Variants in QDPR observed in about 807,000 individuals in gnomAD.
The protein encoded by QDPR is quinoid dihydropteridine reductase.
QDPR carries 23 observed loss-of-function variants against 31.7 expected under a neutral mutation model. That is an observed-to-expected ratio of 0.73 (90% CI 0.52 to 1.03). The LOEUF (loss-of-function observed/expected upper bound fraction) is 1.03. QDPR is among the 50% of genes least tolerant of loss of function. The probability of loss-of-function intolerance (pLI) is 0.00; values close to 1 mark genes in which losing one functional copy is unlikely to be tolerated. For missense variants in QDPR, 324 were observed against 323.8 expected (o/e 1.00, Z 0.00); for synonymous variants, 124 against 124.7 (o/e 0.99, Z 0.03).
intron 2 of QDPR, among the ~76,000 whole-genome samples, chr4:17,507,728 C>T (rs1016123401): frequency 6.6e-6 from 1 of 151,978 alleles, no homozygotes; most frequent in Non-Finnish European, 1.5e-5. Flanking sequence ...CTCAGCCTCC[C>T]GAGTAGCTGG....
Position 17,488,247 on chromosome 4 carries a change from T to C in QDPR, c.630-1011A>G, listed in dbSNP as rs111967390. ...CTGCACTCCAGCCTGGGTGACCCAG[T>C]GAGACCCTGTCTCAAAAAAAAAAAA... On this transcript the variant is annotated intron_variant, in intron 6 of 6. Coordinates refer to ENST00000281243, the MANE Select transcript of QDPR (RefSeq NM_000320.3). 6.7e-3 allele frequency among the ~76,000 whole-genome samples: 1,021 copies of C among 151,640 alleles called. 18 individuals carry two copies. The highest frequency in any genetic ancestry group is 0.023 in the African/African-American group (967 of 41,294).
At chr4:17,493,266 G>A (rs1479792478) in intron 4 of QDPR, among the ~76,000 whole-genome samples, 1 of 152,046 alleles carries the variant, frequency 6.6e-6, no homozygotes, top group Admixed American at 6.6e-5. Flanking sequence ...CAACGTAGTG[G>A]GACCCCATCT....
intron 1 of QDPR, chr4:17,509,820 CCT>C: frequency 2.7e-6 from 1 of 377,068 alleles, no homozygotes; most frequent in Non-Finnish European, 5.3e-6. Context: ...CCCAGGCCCT[CCT>C]ACCTCCAAAC....
chr4:17,504,615 C>T (rs542426956), intron 2 of QDPR, 140 bp from the exon 3 acceptor site: 54 of 744,528 alleles, frequency 7.3e-5, no homozygotes, highest in Middle Eastern at 2.3e-4. Context: ...GAGAATTAGA[C>T]GGAAGACTAA....
At chr4:17,502,559 T>C (rs1286194279) in intron 3 of QDPR, among the ~76,000 whole-genome samples, 4 of 152,200 alleles carry the variant, frequency 2.6e-5, no homozygotes, top group Non-Finnish European at 5.9e-5. Context: ...AAAAACCTGA[T>C]GGATCCACAT....
intron 4 of QDPR, among the ~76,000 whole-genome samples, chr4:17,500,538 G>A (rs1432742435): frequency 6.6e-6 from 1 of 152,168 alleles, no homozygotes; most frequent in African/African-American, 2.4e-5. Context: ...CTTAGAAGAG[G>A]AGGAAACGAG....
chr4:17,487,068 A>T lies in QDPR; in HGVS notation c.*63T>A. ...GTTACAGAAAACACAAGGCTGGACAAGGCCACACTGAGACAGGTTAGTGAC... is the reference window on the plus strand; with the variant it reads ...GTTACAGAAAACACAAGGCTGGACATGGCCACACTGAGACAGGTTAGTGAC... On this transcript the variant is annotated 3_prime_UTR_variant, in exon 7 of 7. Coordinates refer to ENST00000281243, the MANE Select transcript of QDPR (RefSeq NM_000320.3). 7.6e-7 allele frequency: 1 copy of T among 1,311,390 alleles called. No homozygotes were observed. The highest frequency in any genetic ancestry group is 1.7e-5 in the Admixed American group (1 of 59,394). The allele number at this position is 1,311,390 out of a possible 1,614,324, so 81.2% of individuals were successfully genotyped here.
chr4:17,508,322 C>A (rs1718861048), intron 2 of QDPR, among the ~76,000 whole-genome samples: 1 of 152,104 alleles, frequency 6.6e-6, no homozygotes, highest in African/African-American at 2.4e-5. Flanking sequence ...GCCTGTAATC[C>A]CAGCTACTCA....
chr4:17,499,781 A>G (rs1718494395), intron 4 of QDPR, among the ~76,000 whole-genome samples: 1 of 152,134 alleles, frequency 6.6e-6, no homozygotes, highest in Non-Finnish European at 1.5e-5. Flanking sequence ...TTAGCCAGGC[A>G]TGGCAGTGTG....
intron 2 of QDPR, among the ~76,000 whole-genome samples, chr4:17,505,540 C>A (rs1055535409): frequency 2.6e-5 from 4 of 152,198 alleles, no homozygotes; most frequent in Admixed American, 2.6e-4. Flanking sequence ...AGCTACCACG[C>A]CTGGCCCAAT....
At chr4:17,511,142 G>GTGC (rs1389549109) in intron 1 of QDPR, among the ~76,000 whole-genome samples, 2 of 152,100 alleles carry the variant, frequency 1.3e-5, no homozygotes, top group Non-Finnish European at 2.9e-5. Flanking sequence ...CCAGGCTGCT[G>GTGC]TGCTGCTGCT....
At position 17,490,749 on chromosome 4, in the gene QDPR, C is replaced by G. The variant is rs758239518; in HGVS notation, c.546-4G>C. The G allele has an allele frequency of 6.2e-7, 1 of 1,611,256 alleles. No individual in the cohort carries two copies. The highest frequency in any genetic ancestry group is 2.2e-5 in the East Asian group (1 of 44,880). On this transcript the variant is annotated splice_polypyrimidine_tract_variant and splice_region_variant and intron_variant, in intron 5 of 6. Transcript: ENST00000281243. ...CATCGGGGTATCCAGGGTAACCCTG[C>G]AATGGACACAGATAAGCACGTCATT...
intron 4 of QDPR, among the ~76,000 whole-genome samples, chr4:17,495,968 G>A (rs545704444): frequency 2.4e-4 from 37 of 151,990 alleles, no homozygotes; most frequent in Admixed American, 1.8e-3. Context: ...CCAAGATCAC[G>A]CCACTGCACT....
At chr4:17,490,529 TCA>T (rs1376242768) in intron 6 of QDPR, 131 bp downstream of exon 6, 11 of 716,672 alleles carry the variant, frequency 1.5e-5, no homozygotes, top group Non-Finnish European at 2.8e-5. Flanking sequence ...CAATGCATCC[TCA>T]GAGTCCCAGA....
At position 17,496,442 on chromosome 4, in the gene QDPR, C is replaced by CAAAA. The variant is rs747311750; in HGVS notation, c.437-4106_437-4103dup. On this transcript the variant is annotated intron_variant, in intron 4 of 6. Coordinates refer to ENST00000281243, the MANE Select transcript of QDPR (RefSeq NM_000320.3). The stretch of plus-strand genomic sequence containing the variant: ...CTGGGCAATAAGGGCAAAACTGTCT[C>CAAAA]AAAAAAAAAAAAAAAAAAAAAAAAA... Among the ~76,000 whole-genome samples, 242 of 64,596 alleles carry CAAAA rather than the reference C, an allele frequency of 3.7e-3. 17 individuals carry two copies. Among genetic ancestry groups the CAAAA allele is most frequent in the South Asian group, 7.5e-3 (8 of 1,070 alleles). 42.4% of individuals were successfully genotyped at this position (64,596 alleles called of 152,430 possible).
intron 4 of QDPR, among the ~76,000 whole-genome samples, chr4:17,499,063 T>C (rs1355326130): frequency 6.6e-6 from 1 of 152,224 alleles, no homozygotes; most frequent in Non-Finnish European, 1.5e-5. Flanking sequence ...TAATAATGGC[T>C]CACACTTACT....
At chr4:17,495,229 A>C (rs1718310367) in intron 4 of QDPR, among the ~76,000 whole-genome samples, 1 of 152,154 alleles carries the variant, frequency 6.6e-6, no homozygotes, top group Non-Finnish European at 1.5e-5. Flanking sequence ...AACACCATCA[A>C]ACCAACCTGC....
rs779606633 is a variant in QDPR, at chr4:17,501,740, C to A, written c.415G>T (p.Ala139Ser). Residue 139 changes from alanine (A) to serine (S), a missense_variant, in exon 4 of 7, where the codon GCT becomes TCT. Physicochemically the swap from Ala to Ser is moderately conservative, Grantham distance 99 (BLOSUM62 1). Transcript: ENST00000281243. ...GGLLTLAGAK[A>S]ALDGTPGMIG... ...TTACCAGGAGTCCCATCCAGGGCAGCCTTTGCGCCAGCCAAGGTCAGGAGG... is the reference window on the plus strand; with the variant it reads ...TTACCAGGAGTCCCATCCAGGGCAGACTTTGCGCCAGCCAAGGTCAGGAGG... 7 of 1,614,118 alleles carry A rather than the reference C, an allele frequency of 4.3e-6. No homozygotes were observed. The highest frequency in any genetic ancestry group is 5.1e-6 in the Non-Finnish European group (6 of 1,180,016).
intron 2 of QDPR, among the ~76,000 whole-genome samples, chr4:17,506,775 A>T (rs1718801685): frequency 1.3e-5 from 2 of 152,234 alleles, no homozygotes; most frequent in South Asian, 4.1e-4. Context: ...TAGGTATGGG[A>T]ACATTGAGAC....
Sources: gnomAD v4.1 joint callset for allele counts (sites outside exome capture counted in the v4.1 genomes callset) on GRCh38, gnomAD v4.1.1 for gene constraint, MANE v1.5 for transcripts, NCBI Gene and HGNC (gene_info 2026-07-23, HGNC 2026-07-21) for gene names.